GPC5: variants seen among roughly 807,000 people sequenced by gnomAD.
GPC5 encodes glypican 5.
In GPC5, 47 loss-of-function variants were observed where a neutral mutation model predicts 53.9. That is an observed-to-expected ratio of 0.87 (90% CI 0.69 to 1.11). The LOEUF is 1.11. GPC5 is among the 50% of genes most tolerant of loss of function. The probability of loss-of-function intolerance (pLI) is 0.00; values close to 1 mark genes in which losing one functional copy is unlikely to be tolerated. For synonymous variants in GPC5, 286 were observed against 263.3 expected (o/e 1.09, Z -0.84); for missense variants, 748 against 713.1 (o/e 1.05, Z -0.56).
intron 7 of GPC5, among the ~76,000 whole-genome samples, chr13:92,368,383 C>T (rs1273662054): frequency 1.3e-5 from 2 of 151,402 alleles, no homozygotes; most frequent in Non-Finnish European, 2.9e-5. Flanking sequence ...GTTGCTCACA[C>T]CTGTAATCCC....
intron 7 of GPC5, among the ~76,000 whole-genome samples, chr13:92,406,693 A>T (rs1875811433): frequency 6.6e-6 from 1 of 152,196 alleles, no homozygotes; most frequent in African/African-American, 2.4e-5. Flanking sequence ...TAGTTTTCGC[A>T]GTCAATTGTG....
intron 5 of GPC5, among the ~76,000 whole-genome samples, chr13:91,777,619 G>T (rs1397612907): frequency 6.6e-6 from 1 of 152,074 alleles, no homozygotes; most frequent in Non-Finnish European, 1.5e-5. Flanking sequence ...AAATTTCCGG[G>T]CTCTATACAA....
At chr13:91,654,105 T>A (rs75159818) in intron 2 of GPC5, among the ~76,000 whole-genome samples, 1 of 152,182 alleles carries the variant, frequency 6.6e-6, no homozygotes, top group African/African-American at 2.4e-5. Context: ...TAGATTTCAG[T>A]TGGATATTTA....
At chr13:92,346,216 T>C (rs538077283) in intron 7 of GPC5, among the ~76,000 whole-genome samples, 1 of 152,210 alleles carries the variant, frequency 6.6e-6, no homozygotes, top group South Asian at 2.1e-4. Flanking sequence ...CCAAGGAGCA[T>C]AGCTTCTGAT....
At chr13:92,517,643 C>T (rs1468160984) in intron 7 of GPC5, among the ~76,000 whole-genome samples, 2 of 152,176 alleles carry the variant, frequency 1.3e-5, no homozygotes, top group East Asian at 3.9e-4. Flanking sequence ...GGAAAACTAA[C>T]AAACAGAAAG....
intron 2 of GPC5, among the ~76,000 whole-genome samples, chr13:91,541,444 G>C (rs1018005129): frequency 2.0e-5 from 3 of 152,048 alleles, no homozygotes; most frequent in African/African-American, 4.8e-5. Flanking sequence ...GATATACTAG[G>C]TTTCATGTGA....
At chr13:92,553,922 T>C (rs563973564) in intron 7 of GPC5, among the ~76,000 whole-genome samples, 1 of 152,104 alleles carries the variant, frequency 6.6e-6, no homozygotes, top group African/African-American at 2.4e-5. Context: ...TTTATGATGG[T>C]GTCATTTGAC....
chr13:91,648,503 G>A (rs2034615898), intron 2 of GPC5, among the ~76,000 whole-genome samples: 1 of 151,928 alleles, frequency 6.6e-6, no homozygotes, highest in South Asian at 2.1e-4. Context: ...TTGAAACAAT[G>A]ATCCATAAGG....
intron 7 of GPC5, among the ~76,000 whole-genome samples, chr13:92,724,903 C>CACACACACACAG (rs1358016015): frequency 5.1e-4 from 77 of 150,052 alleles, no homozygotes; most frequent in African/African-American, 1.8e-3. Context: ...CACACACACA[C>CACACACACACAG]ACACACACAA....
intron 6 of GPC5, among the ~76,000 whole-genome samples, chr13:92,035,534 T>A (rs2040885970): frequency 6.6e-6 from 1 of 152,144 alleles, no homozygotes; most frequent in South Asian, 2.1e-4. Context: ...GAACCTTATT[T>A]CTCTGCCTTT....
chr13:91,847,319 C>G (rs1292043306), intron 5 of GPC5, among the ~76,000 whole-genome samples: 2 of 150,860 alleles, frequency 1.3e-5, no homozygotes, highest in African/African-American at 4.9e-5. Flanking sequence ...TTAAGGATGG[C>G]TGTTAAATAG....
At chr13:91,783,690 C>A (rs2037833727) in intron 5 of GPC5, among the ~76,000 whole-genome samples, 1 of 152,124 alleles carries the variant, frequency 6.6e-6, no homozygotes, top group Admixed American at 6.5e-5. Flanking sequence ...GATCTGCCCG[C>A]CCTGGCCTCC....
intron 7 of GPC5, among the ~76,000 whole-genome samples, chr13:92,622,814 C>T (rs539000617): frequency 3.9e-5 from 6 of 152,272 alleles, no homozygotes; most frequent in Admixed American, 3.3e-4. Context: ...AAATTATACT[C>T]TTATCTAACC....
chr13:92,400,455 C>A (rs1875505101), intron 7 of GPC5, among the ~76,000 whole-genome samples: 1 of 152,216 alleles, frequency 6.6e-6, no homozygotes, highest in African/African-American at 2.4e-5. Context: ...CCATACAGCA[C>A]TAATCAGGGC....
At chr13:92,323,332 T>C (rs1042080434) in intron 7 of GPC5, among the ~76,000 whole-genome samples, 1 of 144,278 alleles carries the variant, frequency 6.9e-6, no homozygotes, top group African/African-American at 2.5e-5. Context: ...AACATACATA[T>C]ATAAAAATAT....
chr13:91,587,729 T>C (rs952465539), intron 2 of GPC5, among the ~76,000 whole-genome samples: 1 of 152,168 alleles, frequency 6.6e-6, no homozygotes, highest in African/African-American at 2.4e-5. Context: ...CTTCTTCTAA[T>C]GAGATCATAA....
chr13:92,848,536 G>A (rs901938537), intron 7 of GPC5, among the ~76,000 whole-genome samples: 2 of 147,316 alleles, frequency 1.4e-5, no homozygotes, highest in African/African-American at 5.2e-5. Flanking sequence ...AAACATAATT[G>A]CAACTTTAAG....
intron 7 of GPC5, among the ~76,000 whole-genome samples, chr13:92,299,543 A>G (rs897225591): frequency 2.6e-5 from 4 of 152,226 alleles, no homozygotes; most frequent in Non-Finnish European, 5.9e-5. Flanking sequence ...TACTAGTAAC[A>G]TATTTCTGTC....
At chr13:91,553,270 C>A (rs1278125071) in intron 2 of GPC5, among the ~76,000 whole-genome samples, 1 of 152,090 alleles carries the variant, frequency 6.6e-6, no homozygotes, top group Non-Finnish European at 1.5e-5. Context: ...GCCACCATTA[C>A]CTGTCTTTCT....
Sources: allele counts gnomAD v4.1 joint callset (sites outside exome capture counted in the v4.1 genomes callset), GRCh38; gene constraint gnomAD v4.1.1; transcripts MANE v1.5; gene names NCBI Gene and HGNC (gene_info 2026-07-23, HGNC 2026-07-21).